Variants in STIM1 observed in about 807,000 individuals in gnomAD.
STIM1 encodes the protein stromal interaction molecule 1.
STIM1 carries 25 observed loss-of-function variants against 74.7 expected under a neutral mutation model. That is an observed-to-expected ratio of 0.33 (90% CI 0.24 to 0.47). The LOEUF is 0.47. Ranked by LOEUF, STIM1 falls within the 20% of genes least tolerant of loss-of-function variation. STIM1 has a pLI of 1.00. For missense variants in STIM1, 728 were observed against 920.8 expected, an observed-to-expected ratio of 0.79 and a Z score of 2.71; for synonymous variants, 328 against 348.8, an observed-to-expected ratio of 0.94 and a Z score of 0.66.
intron 1 of STIM1, among the ~76,000 whole-genome samples, chr11:3,956,891 G>A (rs1296901803): frequency 2.1e-5 from 3 of 143,238 alleles, no homozygotes; most frequent in East Asian, 4.4e-4. Context: ...TAGGGAAAGC[G>A]AAGATTTATT....
chr11:3,953,879 C>T (rs996143525), intron 1 of STIM1, among the ~76,000 whole-genome samples: 1 of 151,060 alleles, frequency 6.6e-6, no homozygotes. Context: ...ACCTCCCAGG[C>T]CCAAGAAATC....
chr11:3,943,205 T>A (rs959842030), intron 1 of STIM1, among the ~76,000 whole-genome samples: 2 of 152,160 alleles, frequency 1.3e-5, no homozygotes, highest in African/African-American at 2.4e-5. Flanking sequence ...TTTCCTTGAC[T>A]CCTAGGAAAG....
intron 2 of STIM1, chr11:3,989,583 A>G: frequency 2.1e-6 from 1 of 475,672 alleles, no homozygotes; most frequent in Non-Finnish European, 3.9e-6. Flanking sequence ...TGAGATCCCC[A>G]GAAGGGGCGG....
Position 4,054,223 on chromosome 11 carries a change from A to G in STIM1, c.386-1303A>G, listed in dbSNP as rs544665373. Among the ~76,000 whole-genome samples, 3 of 152,308 alleles carry G rather than the reference A, an allele frequency of 2.0e-5. No individual in the cohort carries two copies. In the East Asian group the frequency reaches 5.8e-4, roughly 29 times the overall value. On this transcript the variant is annotated intron_variant, in intron 3 of 12. Transcript: ENST00000526596. The stretch of plus-strand genomic sequence containing the variant: ...AGATGTGAGAGGAGGAGAGGTCTAT[A>G]GATTCTGTCCTGAAAAGGGTTGGGC...
chr11:4,083,036 G>C lies in STIM1; in HGVS notation c.1238+54G>C, dbSNP rs981013850. 2.6e-6 allele frequency: 4 copies of C among 1,524,672 alleles called. No individual in the cohort carries two copies. The African/African-American group carries it at 5.5e-5, about 21-fold the overall frequency. 94.4% of individuals were successfully genotyped at this position (1,524,672 alleles called of 1,614,324 possible). On this transcript the variant is annotated intron_variant, in intron 9 of 12. Coordinates refer to ENST00000526596, the MANE Select transcript of STIM1 (RefSeq NM_001382567.1). The stretch of plus-strand genomic sequence containing the variant: ...AATGTCCATATCATCCTCAGAATTT[G>C]AGGGCATACAGGGCCTCCAACACCA...
At chr11:4,062,440 C>A (rs957680151) in intron 5 of STIM1, among the ~76,000 whole-genome samples, 4 of 152,060 alleles carry the variant, frequency 2.6e-5, no homozygotes, top group African/African-American at 9.7e-5. Context: ...GCCAACATGG[C>A]AAAACCCTGT....
At chr11:3,927,286 A>G (rs191273929) in intron 1 of STIM1, among the ~76,000 whole-genome samples, 26 of 152,328 alleles carry the variant, frequency 1.7e-4, no homozygotes, top group African/African-American at 6.3e-4. Flanking sequence ...GAACTGTCAC[A>G]TATACTGGAT....
chr11:3,963,883 A>G (rs1480648527), intron 1 of STIM1, among the ~76,000 whole-genome samples: 1 of 152,180 alleles, frequency 6.6e-6, no homozygotes, highest in Admixed American at 6.5e-5. Flanking sequence ...TACCTCCTAT[A>G]TTTGATTCTT....
intron 11 of STIM1, 22 bp from the exon 12 acceptor site, chr11:4,086,455 A>T (rs2094493632): frequency 3.7e-6 from 6 of 1,613,000 alleles, no homozygotes; most frequent in Non-Finnish European, 5.1e-6. Context: ...CCCTCCTGAC[A>T]CTTTCTTTAT....
Position 4,082,924 on chromosome 11 carries a change from T to C in STIM1, c.1180T>C (p.Phe394Leu), listed in dbSNP as rs771694025. Residue 394 changes from phenylalanine to leucine, a missense_variant, in exon 9 of 13, where the codon TTC becomes CTC. Phe to Leu is a conservative substitution (Grantham distance 22, BLOSUM62 0). This residue lies in a region of STIM1 where 131 missense variants were observed against 235.9 expected (regional missense o/e 0.56). Transcript: ENST00000526596. ...GAAGAGAAACACACTCTTTGGCACC[T>C]TCCACGTGGCCCACAGCTCTTCCCT... The part of the protein sequence containing the change: ...KKKRNTLFGT[F>L]HVAHSSSLDD... The C allele has an allele frequency of 3.7e-6, 6 of 1,614,154 alleles. No individual in the cohort carries two copies. The highest frequency in any genetic ancestry group is 4.2e-6 in the Non-Finnish European group (5 of 1,180,018).
At chr11:4,044,484 ATCT>A (rs935969362) in intron 3 of STIM1, among the ~76,000 whole-genome samples, 1 of 152,118 alleles carries the variant, frequency 6.6e-6, no homozygotes, top group Non-Finnish European at 1.5e-5. Context: ...GTTGAATGAG[ATCT>A]TCATGCTGGA....
intron 5 of STIM1, among the ~76,000 whole-genome samples, chr11:4,068,407 A>G (rs1660625572): frequency 6.6e-6 from 1 of 152,194 alleles, no homozygotes; most frequent in African/African-American, 2.4e-5. Context: ...ATTGAAGTTG[A>G]GAAACCCTAG....
At chr11:3,958,158 C>G (rs915306211) in intron 1 of STIM1, among the ~76,000 whole-genome samples, 31 of 152,178 alleles carry the variant, frequency 2.0e-4, no homozygotes, top group Non-Finnish European at 4.1e-4. Context: ...GCCACCGCTC[C>G]CAGCTGATTA....
chr11:3,887,793 C>A (rs556231648), intron 1 of STIM1, among the ~76,000 whole-genome samples: 1 of 151,780 alleles, frequency 6.6e-6, no homozygotes, highest in Non-Finnish European at 1.5e-5. Context: ...ATGGTGAAAC[C>A]CTGCCTCTAC....
intron 10 of STIM1, among the ~76,000 whole-genome samples, chr11:4,084,066 G>T (rs7104462): frequency 6.6e-6 from 1 of 151,990 alleles, no homozygotes; most frequent in Non-Finnish European, 1.5e-5. Context: ...GATCCTACCC[G>T]CTCTTCCTCT....
intron 1 of STIM1, among the ~76,000 whole-genome samples, chr11:3,871,363 T>C (rs16929709): frequency 0.011 from 1,630 of 152,096 alleles, 33 homozygotes; most frequent in African/African-American, 0.037. Context: ...CTGATCAGAG[T>C]GCTTGGAGTC....
intron 2 of STIM1, among the ~76,000 whole-genome samples, chr11:3,998,436 G>C (rs993294272): frequency 1.3e-5 from 2 of 152,098 alleles, no homozygotes; most frequent in African/African-American, 2.4e-5. Flanking sequence ...ATTATGTCTT[G>C]ACTAGCTATT....
intron 3 of STIM1, 50 bp from the exon 4 acceptor site, chr11:4,055,463 GACAACAAATGAAA>G: frequency 7.9e-7 from 1 of 1,271,876 alleles, no homozygotes; most frequent in African/African-American, 1.5e-5. Context: ...AGGTCAGCAT[GACAACAAATGAAA>G]GCAGTGCTTG....
rs1427244577 is a variant in STIM1, at chr11:4,092,904, G to A, written c.*1106G>A. 1 of 152,332 alleles carries A rather than the reference G, an allele frequency of 6.6e-6. No individual in the cohort carries two copies. 9.4% of individuals were successfully genotyped at this position (152,332 alleles called of 1,614,324 possible). ...CCAGTTTGGGGAAGGGGTGGCTAAG[G>A]AAGATGGTATAGGTGAAGGCGGCTG... On this transcript the variant is annotated 3_prime_UTR_variant, in exon 13 of 13. Transcript: ENST00000526596.
Sources: gnomAD v4.1 joint callset for allele counts (sites outside exome capture counted in the v4.1 genomes callset) on GRCh38, gnomAD v4.1.1 for gene constraint, gnomAD v4.1.1 regional missense constraint, MANE v1.5 for transcripts, NCBI Gene and HGNC (gene_info 2026-07-23, HGNC 2026-07-21) for gene names.